Variants in ATP2C1 observed in about 807,000 individuals in gnomAD.
ATP2C1 encodes the protein ATPase secretory pathway Ca2+ transporting 1, also known as calcium-transporting ATPase type 2C member 1.
In ATP2C1, 31 loss-of-function variants were observed where a neutral mutation model predicts 120.5. The ratio of observed to expected loss-of-function variants is 0.26; its 90% CI spans 0.19 to 0.35. ATP2C1 has a LOEUF of 0.35. Ranked by LOEUF, ATP2C1 falls within the 10% of genes least tolerant of loss-of-function variation. ATP2C1 has a pLI of 1.00. For synonymous variants in ATP2C1, 351 were observed against 358.7 expected (o/e 0.98, Z 0.24); for missense variants, 731 against 1,107.5 (o/e 0.66, Z 4.83).
exon 1 of ATP2C1, chr3:130,850,726 A>T: frequency 1.8e-6 from 1 of 555,742 alleles, no homozygotes; most frequent in Non-Finnish European, 3.0e-6. Context: ...CGAGCTACAA[A>T]CAAATCTTTA....
At chr3:130,990,799 G>A (rs747602238) in intron 20 of ATP2C1, among the ~76,000 whole-genome samples, 6 of 152,086 alleles carry the variant, frequency 3.9e-5, no homozygotes, top group African/African-American at 9.7e-5. Flanking sequence ...AACAAGATTC[G>A]CTGTCAAACT....
chr3:130,936,867 A>G (rs933874285), intron 5 of ATP2C1, among the ~76,000 whole-genome samples: 1 of 151,396 alleles, frequency 6.6e-6, no homozygotes, highest in Non-Finnish European at 1.5e-5. Context: ...AAAAGAAAAA[A>G]TGCTCCTCCC....
At chr3:130,983,214 A>G (rs1019240918) in intron 20 of ATP2C1, among the ~76,000 whole-genome samples, 4 of 152,192 alleles carry the variant, frequency 2.6e-5, no homozygotes, top group African/African-American at 9.7e-5. Flanking sequence ...ACCATTTATT[A>G]TCTGCCAATG....
chr3:130,995,702 G>A (rs1373743898), intron 22 of ATP2C1, among the ~76,000 whole-genome samples: 2 of 152,176 alleles, frequency 1.3e-5, no homozygotes, highest in African/African-American at 2.4e-5. Flanking sequence ...GTGCAGTGGT[G>A]TGATCTTGGC....
intron 22 of ATP2C1, 61 bp from the exon 23 acceptor site, chr3:130,995,982 G>A: frequency 9.2e-7 from 1 of 1,088,212 alleles, no homozygotes; most frequent in Non-Finnish European, 1.4e-6. Flanking sequence ...CAGTGTTTTA[G>A]TATAGATACA....
chr3:130,970,408 C>CACT (rs2061254694), intron 17 of ATP2C1, among the ~76,000 whole-genome samples: 2 of 62,178 alleles, frequency 3.2e-5, no homozygotes, highest in East Asian at 1.2e-3. Context: ...ACACACACAC[C>CACT]CTTAAACTTT....
At chr3:130,927,243 C>CTT (rs772300672) in intron 2 of ATP2C1, among the ~76,000 whole-genome samples, 12 of 142,506 alleles carry the variant, frequency 8.4e-5, no homozygotes, top group Admixed American at 1.4e-4. Context: ...TTTTTTTTAA[C>CTT]TTTTTTTTTT....
At chr3:130,992,923 A>T in intron 20 of ATP2C1, 28 bp from the exon 21 acceptor site, 4 of 1,587,296 alleles carry the variant, frequency 2.5e-6, no homozygotes, top group Non-Finnish European at 3.5e-6. Flanking sequence ...AATATTGAAG[A>T]TTTTTAGTGT....
Position 130,956,182 on chromosome 3 carries a change from A to G in ATP2C1, c.832+3A>G. The G allele has an allele frequency of 6.4e-7, 1 of 1,563,910 alleles. No homozygotes were observed. The highest frequency in any genetic ancestry group is 8.8e-7 in the Non-Finnish European group (1 of 1,135,064). ...CTTTTACTCCTTTGGTATAATAGGTAAGAGAAGAGTGAGTATGTATATATT... is the reference window on the plus strand; with the variant it reads ...CTTTTACTCCTTTGGTATAATAGGTGAGAGAAGAGTGAGTATGTATATATT... On this transcript the variant is annotated splice_donor_region_variant and intron_variant, in intron 11 of 27. Transcript: ENST00000510168.
Position 130,930,560 on chromosome 3 carries a change from G to C in ATP2C1, c.117+34G>C, listed in dbSNP as rs779497363. 19 of 1,325,640 alleles carry C rather than the reference G, an allele frequency of 1.4e-5. No homozygotes were observed. In the South Asian group the frequency reaches 2.0e-4, roughly 14 times the overall value. The allele number at this position is 1,325,640 out of a possible 1,614,324, so 82.1% of individuals were successfully genotyped here. A position where few individuals can be genotyped will look rare whatever the true frequency, so the allele number is the denominator to read the frequency against. ...TTAGTGGGGAGGAAGGGACTAGATG[G>C]TGTAAAGTCAGTCACTTAGACTCTA... On this transcript the variant is annotated intron_variant, in intron 3 of 27. Coordinates refer to ENST00000510168, the MANE Select transcript of ATP2C1 (RefSeq NM_001378687.1).
At chr3:130,959,485 A>C (rs1249577205) in intron 12 of ATP2C1, 144 bp downstream of exon 12, 1 of 545,622 alleles carries the variant, frequency 1.8e-6, no homozygotes, top group East Asian at 3.1e-5. Context: ...CAGAAGTCAT[A>C]TATTAAAATT....
upstream of ATP2C1, chr3:130,893,822 A>G (rs7631226): frequency 0.19 from 112,735 of 583,754 alleles, 11,331 homozygotes; most frequent in Middle Eastern, 0.22. Flanking sequence ...GGGAGGCGCC[A>G]GCAAGAACAA....
At chr3:130,994,177 T>G in intron 22 of ATP2C1, 79 bp downstream of exon 22, 1 of 1,528,816 alleles carries the variant, frequency 6.5e-7, no homozygotes, top group Non-Finnish European at 9.0e-7. Context: ...AGAATTCAAC[T>G]GGAAAAGAAT....
chr3:130,921,364 G>A (rs2058959203), intron 2 of ATP2C1, among the ~76,000 whole-genome samples: 1 of 152,146 alleles, frequency 6.6e-6, no homozygotes, highest in Admixed American at 6.5e-5. Flanking sequence ...TTATAGGCAT[G>A]GGCCACTGTG....
intron 2 of ATP2C1, among the ~76,000 whole-genome samples, chr3:130,910,333 TAAG>T (rs1333576485): frequency 2.0e-5 from 3 of 148,982 alleles, no homozygotes; most frequent in Non-Finnish European, 4.5e-5. Flanking sequence ...CTTATCAGCT[TAAG>T]GAGATTTTGG....
intron 18 of ATP2C1, among the ~76,000 whole-genome samples, chr3:130,976,541 T>C (rs866532577): frequency 1.3e-5 from 2 of 152,170 alleles, no homozygotes; most frequent in Admixed American, 6.5e-5. Flanking sequence ...TGAGAAGTTA[T>C]TTTGCAAATG....
At chr3:130,902,754 G>A (rs1269716867) in intron 2 of ATP2C1, among the ~76,000 whole-genome samples, 1 of 151,618 alleles carries the variant, frequency 6.6e-6, no homozygotes, top group Non-Finnish European at 1.5e-5. Context: ...TCCTTTTTAG[G>A]GTCTTCATTA....
chr3:130,894,740 C>T lies in ATP2C1; in HGVS notation c.-30C>T. 2.5e-6 allele frequency: 4 copies of T among 1,614,200 alleles called. No individual in the cohort carries two copies. In the East Asian group the frequency reaches 6.7e-5, roughly 27 times the overall value. On this transcript the variant is annotated 5_prime_UTR_variant, in exon 2 of 28. Transcript: ENST00000510168. The surrounding 1 kb of genome is among the most constrained non-coding windows in gnomAD (Gnocchi z 4.5). ...GTGGCTGACACTAAAGACTTTGTAG[C>T]CATCAACCCGAGTGCAGTTTCGATG...
chr3:130,972,510 A>T (rs1276723066), intron 17 of ATP2C1, among the ~76,000 whole-genome samples: 2 of 149,716 alleles, frequency 1.3e-5, no homozygotes, highest in East Asian at 2.0e-4. Context: ...TTTAGGGTAC[A>T]TGTGCACAAT....
Sources: gnomAD v4.1 joint callset for allele counts (sites outside exome capture counted in the v4.1 genomes callset) on GRCh38, gnomAD v4.1.1 for gene constraint, Gnocchi (gnomAD v3.1) non-coding constraint, MANE v1.5 for transcripts, NCBI Gene and HGNC (gene_info 2026-07-23, HGNC 2026-07-21) for gene names.